CAST: variants seen among roughly 807,000 people sequenced by gnomAD.
CAST encodes calpastatin.
CAST carries 76 observed loss-of-function variants against 119.6 expected under a neutral mutation model. That is an observed-to-expected ratio of 0.64 (90% confidence interval 0.53 to 0.77). CAST has a LOEUF of 0.77. Ranked by LOEUF, CAST falls within the 30% of genes least tolerant of loss-of-function variation. The pLI is 0.00. For synonymous variants in CAST, 319 were observed against 331.6 expected, an observed-to-expected ratio of 0.96 and a Z score of 0.41; for missense variants, 953 against 946.5, an observed-to-expected ratio of 1.01 and a Z score of -0.09.
the CAST span, among the ~76,000 whole-genome samples, chr5:96,438,318 G>GAAAC: frequency 6.6e-6 from 1 of 152,184 alleles, no homozygotes; most frequent in Admixed American, 6.5e-5. Flanking sequence ...TACATCTGGT[G>GAAAC]TAACCATATT....
the CAST span, among the ~76,000 whole-genome samples, chr5:96,188,353 A>G: frequency 6.6e-6 from 1 of 152,112 alleles, no homozygotes; most frequent in Non-Finnish European, 1.5e-5. Context: ...GTAATAAGTT[A>G]TATTATTATT....
At chr5:96,295,957 G>A in the CAST span, among the ~76,000 whole-genome samples, 1 of 152,076 alleles carries the variant, frequency 6.6e-6, no homozygotes, top group East Asian at 1.9e-4. Flanking sequence ...TCTAAATGTG[G>A]TATTATAGAA....
the CAST span, among the ~76,000 whole-genome samples, chr5:96,465,756 G>C: frequency 6.6e-6 from 1 of 151,980 alleles, no homozygotes. Context: ...TTACCATGAG[G>C]GTTTTTAAAA....
the CAST span, among the ~76,000 whole-genome samples, chr5:96,431,524 C>G: frequency 6.6e-6 from 1 of 152,144 alleles, no homozygotes; most frequent in Non-Finnish European, 1.5e-5. Context: ...TACTTGAGAG[C>G]GTTTCTTTCC....
At chr5:96,542,095 G>A (rs1395093774) in intron 1 of CAST, among the ~76,000 whole-genome samples, 1 of 152,156 alleles carries the variant, frequency 6.6e-6, no homozygotes, top group African/African-American at 2.4e-5. Context: ...TGGATCACGA[G>A]GTCAGGAGAT....
At chr5:96,491,340 A>AT in the CAST span, among the ~76,000 whole-genome samples, 1 of 149,128 alleles carries the variant, frequency 6.7e-6, no homozygotes, top group South Asian at 2.1e-4. Flanking sequence ...CAAAAAAAAA[A>AT]CTTAGCCGGG....
the CAST span, among the ~76,000 whole-genome samples, chr5:96,097,345 T>A: frequency 3.3e-5 from 5 of 151,526 alleles, no homozygotes; most frequent in African/African-American, 1.2e-4. Flanking sequence ...TTTTTTTTTT[T>A]AACTTTTACT....
upstream of CAST, among the ~76,000 whole-genome samples, chr5:96,527,433 C>T (rs1445837458): frequency 6.6e-6 from 1 of 151,852 alleles, no homozygotes; most frequent in African/African-American, 2.4e-5. Context: ...TTTTTCCTTT[C>T]ACCCTCTGAT....
the CAST span, among the ~76,000 whole-genome samples, chr5:96,075,272 A>C: frequency 3.3e-4 from 51 of 152,330 alleles, no homozygotes; most frequent in Admixed American, 5.9e-4. Flanking sequence ...GTAAAGATGA[A>C]ATGTAAGGCT....
At chr5:96,121,177 G>A in the CAST span, among the ~76,000 whole-genome samples, 1 of 152,162 alleles carries the variant, frequency 6.6e-6, no homozygotes, top group African/African-American at 2.4e-5. Context: ...AGGGCGTAGT[G>A]TTCACTGCTG....
At chr5:96,249,053 C>A in the CAST span, among the ~76,000 whole-genome samples, 1 of 152,152 alleles carries the variant, frequency 6.6e-6, no homozygotes. Context: ...AAATATATGA[C>A]CTTTGTCACA....
the CAST span, among the ~76,000 whole-genome samples, chr5:96,245,640 A>G: frequency 6.6e-6 from 1 of 152,014 alleles, no homozygotes; most frequent in African/African-American, 2.4e-5. Flanking sequence ...AAAAAAAACA[A>G]ATAGTGAGTA....
At chr5:96,610,899 G>A (rs993420612) in intron 1 of CAST, among the ~76,000 whole-genome samples, 1 of 151,934 alleles carries the variant, frequency 6.6e-6, no homozygotes, top group African/African-American at 2.4e-5. Flanking sequence ...ACCAAATTAA[G>A]AACATAATCC....
chr5:96,670,443 G>A (rs1749914007), intron 1 of CAST, among the ~76,000 whole-genome samples: 2 of 152,234 alleles, frequency 1.3e-5, no homozygotes, highest in Admixed American at 1.3e-4. Flanking sequence ...CTTAATGCTG[G>A]CAAGGGCTGC....
chr5:96,002,007 G>T, the CAST span, among the ~76,000 whole-genome samples: 1 of 152,132 alleles, frequency 6.6e-6, no homozygotes, highest in Non-Finnish European at 1.5e-5. Context: ...TCTCTTCTTG[G>T]CAATAGGCAG....
chr5:96,109,088 C>T, the CAST span, among the ~76,000 whole-genome samples: 1 of 152,228 alleles, frequency 6.6e-6, no homozygotes, highest in African/African-American at 2.4e-5. Context: ...TCGGCTTGCG[C>T]ACGGTGCGTG....
chr5:96,716,460 A>T (rs923053837), intron 3 of CAST, among the ~76,000 whole-genome samples: 5 of 152,238 alleles, frequency 3.3e-5, no homozygotes, highest in Admixed American at 6.5e-5. Context: ...GTGTTTATTC[A>T]TGTACAAATT....
At chr5:96,217,645 A>G in the CAST span, among the ~76,000 whole-genome samples, 1 of 152,332 alleles carries the variant, frequency 6.6e-6, no homozygotes, top group East Asian at 1.9e-4. Flanking sequence ...AAAAATGTGA[A>G]TGGATGATCT....
At chr5:96,092,341 G>T in the CAST span, among the ~76,000 whole-genome samples, 1 of 152,194 alleles carries the variant, frequency 6.6e-6, no homozygotes, top group Non-Finnish European at 1.5e-5. Flanking sequence ...GGCAGATTTT[G>T]TTAGTATTTC....
Sources: allele counts gnomAD v4.1 joint callset (sites outside exome capture counted in the v4.1 genomes callset), GRCh38; gene constraint gnomAD v4.1.1; transcripts MANE v1.5; gene names NCBI Gene and HGNC (gene_info 2026-07-23, HGNC 2026-07-21).